The following NKAIN2 variants were observed in gnomAD, a reference collection of about 807,000 sequenced individuals.
NKAIN2 encodes sodium/potassium transporting ATPase interacting 2, also known as sodium/potassium-transporting ATPase subunit beta-1-interacting protein 2.
NKAIN2 carries 14 observed loss-of-function variants against 32.6 expected under a neutral mutation model. The ratio of observed to expected loss-of-function variants is 0.43; its 90% CI spans 0.28 to 0.67. The LOEUF is 0.67. NKAIN2 is among the 30% of genes least tolerant of loss of function. NKAIN2 has a pLI of 0.17. For missense variants in NKAIN2, 198 were observed against 258.3 expected (o/e 0.77, Z 1.60); for synonymous variants, 80 against 87.2 (o/e 0.92, Z 0.46).
intron 4 of NKAIN2, among the ~76,000 whole-genome samples, chr6:124,724,234 C>T (rs1446260672): frequency 2.0e-5 from 3 of 151,972 alleles, no homozygotes; most frequent in Non-Finnish European, 4.4e-5. Context: ...TGAGTAATTT[C>T]CTGACCAAAA....
intron 4 of NKAIN2, among the ~76,000 whole-genome samples, chr6:124,769,985 TTTA>T (rs1778678927): frequency 6.6e-6 from 1 of 152,182 alleles, no homozygotes; most frequent in South Asian, 2.1e-4. Context: ...TCTCTTTTCC[TTTA>T]TTATCTTCAA....
chr6:124,441,953 A>G (rs1038967161), intron 3 of NKAIN2, among the ~76,000 whole-genome samples: 1 of 150,658 alleles, frequency 6.6e-6, no homozygotes, highest in African/African-American at 2.5e-5. Flanking sequence ...TAATTTTTGT[A>G]AATGGGCCCA....
intron 2 of NKAIN2, among the ~76,000 whole-genome samples, chr6:124,327,865 C>T (rs1037224997): frequency 5.3e-5 from 8 of 151,954 alleles, no homozygotes; most frequent in African/African-American, 1.7e-4. Flanking sequence ...AAAATATGAT[C>T]GGAATTAAGA....
chr6:124,628,458 T>C (rs1217290313), intron 3 of NKAIN2, among the ~76,000 whole-genome samples: 1 of 152,152 alleles, frequency 6.6e-6, no homozygotes, highest in Non-Finnish European at 1.5e-5. Flanking sequence ...TTTAATGAAA[T>C]AGACTCTTTC....
In NKAIN2 at chr6:124,011,151, T is replaced by C. The variant is rs554441656; in HGVS notation, c.54+206897T>C. On this transcript the variant is annotated intron_variant, in intron 1 of 6. Coordinates refer to ENST00000368417, the MANE Select transcript of NKAIN2 (RefSeq NM_001040214.3). ...AACTTTAGTTCATGACCATTTGACT[T>C]CTTTCTGGCCACTATTAGTAAACTC... 3.3e-5 allele frequency among the ~76,000 whole-genome samples: 5 copies of C among 152,304 alleles called. No individual in the cohort carries two copies. The East Asian group carries it at 9.7e-4, about 29-fold the overall frequency.
chr6:124,343,792 T>C lies in NKAIN2; in HGVS notation c.193-11475T>C, dbSNP rs1798263713. Among the ~76,000 whole-genome samples the C allele has an allele frequency of 2.7e-5, 4 of 149,668 alleles. No homozygotes were observed. The South Asian group carries it at 9.0e-4, about 34-fold the overall frequency. On this transcript the variant is annotated intron_variant, in intron 2 of 6. Transcript: ENST00000368417. ...CCCATTTTGTAGGTTGCCTGTTCAC[T>C]CTGATGGTAGTTTCTTTTGCTGTGC...
chr6:124,615,200 C>A lies in NKAIN2; in HGVS notation c.274-42986C>A, dbSNP rs1331860231. ...CATAAAGATCCATTGCCCATATATC[C>A]CCCTTTATAAAATAGATACCATGTG... On this transcript the variant is annotated intron_variant, in intron 3 of 6. Transcript: ENST00000368417. Among the ~76,000 whole-genome samples the A allele has an allele frequency of 2.6e-5, 4 of 152,154 alleles. No homozygotes were observed. In the South Asian group the frequency reaches 6.2e-4, roughly 24 times the overall value.
In NKAIN2 at chr6:124,668,764, C is replaced by T. The variant is rs759216326; in HGVS notation, c.474+10378C>T. 9.9e-5 allele frequency among the ~76,000 whole-genome samples: 15 copies of T among 152,064 alleles called. No individual in the cohort carries two copies. The South Asian group carries it at 1.9e-3, about 19-fold the overall frequency. ...ATTTCTCTTCAGCAATGTCTTTTTT[C>T]GCAAACAGAAATGTCTGTGTTGCTT... On this transcript the variant is annotated intron_variant, in intron 4 of 6. Transcript: ENST00000368417.
chr6:124,734,003 A>G (rs1232184550), intron 4 of NKAIN2, among the ~76,000 whole-genome samples: 1 of 151,382 alleles, frequency 6.6e-6, no homozygotes, highest in Non-Finnish European at 1.5e-5. Flanking sequence ...CTAGGACTAG[A>G]GCAGGAAATA....
chr6:124,615,317 G>A (rs879603188), intron 3 of NKAIN2, among the ~76,000 whole-genome samples: 3 of 152,156 alleles, frequency 2.0e-5, no homozygotes, highest in Non-Finnish European at 2.9e-5. Context: ...CAGCTACTGA[G>A]CAAAGCGCAA....
At chr6:124,123,406 T>A (rs1201529035) in intron 1 of NKAIN2, among the ~76,000 whole-genome samples, 1 of 152,090 alleles carries the variant, frequency 6.6e-6, no homozygotes, top group Non-Finnish European at 1.5e-5. Flanking sequence ...AATTCCAAAA[T>A]GTAAAGAGTA....
intron 3 of NKAIN2, among the ~76,000 whole-genome samples, chr6:124,430,219 A>G (rs1258128687): frequency 6.6e-6 from 1 of 152,226 alleles, no homozygotes; most frequent in Non-Finnish European, 1.5e-5. Flanking sequence ...TCATGCTATG[A>G]TATTTGAGAA....
intron 4 of NKAIN2, among the ~76,000 whole-genome samples, chr6:124,764,293 T>G (rs1030765174): frequency 1.3e-5 from 2 of 152,200 alleles, no homozygotes; most frequent in African/African-American, 4.8e-5. Flanking sequence ...TGAAAGTTTT[T>G]TAATGCTTAT....
chr6:124,250,619 G>T (rs1793653050), intron 1 of NKAIN2, among the ~76,000 whole-genome samples: 1 of 152,096 alleles, frequency 6.6e-6, no homozygotes, highest in Non-Finnish European at 1.5e-5. Context: ...CTAGCATTTG[G>T]TCAAAATGAA....
chr6:123,833,917 G>A (rs980817858), intron 1 of NKAIN2, among the ~76,000 whole-genome samples: 1 of 151,442 alleles, frequency 6.6e-6, no homozygotes, highest in African/African-American at 2.4e-5. Context: ...TAGTAGAATC[G>A]GGGTTTCACC....
intron 3 of NKAIN2, among the ~76,000 whole-genome samples, chr6:124,595,352 C>G (rs2114969103): frequency 6.6e-6 from 1 of 152,298 alleles, no homozygotes; most frequent in East Asian, 1.9e-4. Context: ...GGACTCCAGA[C>G]CCCTTATCTG....
intron 3 of NKAIN2, among the ~76,000 whole-genome samples, chr6:124,491,620 A>C (rs1777866327): frequency 6.6e-6 from 1 of 151,798 alleles, no homozygotes; most frequent in South Asian, 2.1e-4. Context: ...ATGTGTCCTG[A>C]AGGTATAGTC....
intron 4 of NKAIN2, among the ~76,000 whole-genome samples, chr6:124,705,444 C>T (rs879467757): frequency 7.9e-5 from 12 of 152,042 alleles, no homozygotes; most frequent in Non-Finnish European, 1.5e-4. Context: ...CTGTCACAGA[C>T]TGATGTGGGG....
chr6:124,393,232 T>C (rs1773219133), intron 3 of NKAIN2, among the ~76,000 whole-genome samples: 1 of 152,146 alleles, frequency 6.6e-6, no homozygotes, highest in African/African-American at 2.4e-5. Flanking sequence ...AATTAACTTT[T>C]AACTATAAAA....
Sources: allele counts gnomAD v4.1 joint callset (sites outside exome capture counted in the v4.1 genomes callset), GRCh38; gene constraint gnomAD v4.1.1; transcripts MANE v1.5; gene names NCBI Gene and HGNC (gene_info 2026-07-23, HGNC 2026-07-21).